Variants in ATRX observed in about 807,000 individuals in gnomAD.
ATRX encodes ATRX chromatin remodeler, also known as chromatin remodeler ATRX.
Under a neutral mutation model 172.6 loss-of-function variants are expected in ATRX, and 12 were observed. That is an observed-to-expected ratio of 0.07 (90% CI 0.04 to 0.11). The LOEUF is 0.11. Among genes scored for constraint, ATRX ranks in the 10% least tolerant of loss-of-function variants. The pLI, the probability that ATRX is intolerant of heterozygous loss-of-function variation, is 1.00. For synonymous variants in ATRX, 674 were observed against 594.7 expected (o/e 1.13, Z -1.94); for missense variants, 1,368 against 1,767.4 (o/e 0.77, Z 4.05).
chrX:77,739,330 A>T (rs1416441153), intron 1 of ATRX, among the ~76,000 whole-genome samples: 1 of 109,972 alleles, frequency 9.1e-6, no homozygotes, highest in East Asian at 2.8e-4. Context: ...ATTCATTCTT[A>T]TAGCCGGGTA....
At chrX:77,711,075 A>G (rs782080687) in intron 2 of ATRX, among the ~76,000 whole-genome samples, 3 of 112,121 alleles carry the variant, frequency 2.7e-5, no homozygotes, top group Non-Finnish European at 5.6e-5. Context: ...GCCAAAGTGC[A>G]TAAGAGCTCT....
Position 77,506,897 on chromosome X carries a change from C to CTTT in ATRX, c.*1451_*1453dup, listed in dbSNP as rs139948612. On this transcript the variant is annotated 3_prime_UTR_variant, in exon 35 of 35. Coordinates refer to ENST00000373344, the MANE Select transcript of ATRX (RefSeq NM_000489.6). ...TAAAGCAAAGCCCAAACCCAGTTTT[C>CTTT]TTTTTTTTTTTTTTTTTTTTTTTTT... 140 of 59,777 alleles carry CTTT rather than the reference C, an allele frequency of 2.3e-3. 1 individual carries two copies. The highest frequency in any genetic ancestry group is 7.2e-3 in the Middle Eastern group (1 of 139). The allele number at this position is 59,777 out of a possible 1,213,427, so 4.9% of individuals were successfully genotyped here. A position where few individuals can be genotyped will look rare whatever the true frequency, so the allele number is the denominator to read the frequency against.
intron 28 of ATRX, among the ~76,000 whole-genome samples, chrX:77,563,704 T>C (rs1462146191): frequency 1.4e-4 from 3 of 20,697 alleles, no homozygotes; most frequent in African/African-American, 3.1e-4. Flanking sequence ...TGTACATGCG[T>C]GTGTGTGTGT....
At chrX:77,767,112 C>T (rs1213791965) in intron 1 of ATRX, among the ~76,000 whole-genome samples, 5 of 110,915 alleles carry the variant, frequency 4.5e-5, no homozygotes, top group Admixed American at 9.5e-5. Flanking sequence ...CGCAGGCACT[C>T]GGCAGGCTGA....
intron 15 of ATRX, among the ~76,000 whole-genome samples, chrX:77,643,029 G>A (rs1353198962): frequency 2.7e-5 from 3 of 111,718 alleles, no homozygotes; most frequent in African/African-American, 9.8e-5. Context: ...ATTTTTACTT[G>A]TCCTTGCCCC....
rs185359850 is a variant in ATRX at position 77,599,600 on chromosome X, C to A, written c.5787-20G>T. The A allele has an allele frequency of 1.7e-4, 199 of 1,203,658 alleles. No homozygotes were observed. The African/African-American group carries it at 2.8e-3, about 17-fold the overall frequency. On this transcript the variant is annotated intron_variant, in intron 24 of 34. Transcript: ENST00000373344. ...TTCTTTCTAAAAACAAACAAACAAA[C>A]AAACAAAAAAACACATTCAGATTGT...
At position 77,652,138 on chromosome X, in the gene ATRX, C is replaced by T. The variant is rs1287480304; in HGVS notation, c.4533G>A (p.Glu1511=). ...CCTCTCTCAATTTTTCTCGCTCACG[C>T]TCCCTCTCAGCAATACGTTTTCGTC... ...EERRKRIAER[E]REREKLREVI... The change falls in exon 15 of 35, where the codon GAG becomes GAA. Residue 1511 remains glutamate (E), a synonymous_variant. Transcript: ENST00000373344. 8.3e-7 allele frequency: 1 copy of T among 1,211,414 alleles called. No homozygotes were observed. The highest frequency in any genetic ancestry group is 2.2e-5 in the Admixed American group (1 of 46,022).
chrX:77,627,545 A>G (rs1557103811), intron 19 of ATRX, among the ~76,000 whole-genome samples: 1 of 110,897 alleles, frequency 9.0e-6, no homozygotes, highest in African/African-American at 3.3e-5. Context: ...CCTAAGCAAC[A>G]TAACGAGACC....
At chrX:77,532,525 C>T (rs1034222487) in intron 30 of ATRX, among the ~76,000 whole-genome samples, 1 of 111,246 alleles carries the variant, frequency 9.0e-6, no homozygotes, top group Non-Finnish European at 1.9e-5. Context: ...CAAACCTGAC[C>T]AAAACGAGCA....
Position 77,683,519 on chromosome X carries a change from T to A in ATRX, c.1737A>T (p.Thr579=), listed in dbSNP as rs2148615862. The A allele has an allele frequency of 4.1e-6, 5 of 1,207,947 alleles. No individual in the cohort carries two copies. Among genetic ancestry groups the A allele is most frequent in the Non-Finnish European group, 5.6e-6 (5 of 892,081 alleles). The change falls in exon 9 of 35, where the codon ACA becomes ACT. Residue 579 remains threonine, a synonymous_variant. Transcript: ENST00000373344. The stretch of plus-strand genomic sequence containing the variant: ...CATATAATTCTTTTGTTACTTTAGC[T>A]GTAGTTTTTGATTTAATACCTCCTC... ...DNRGGIKSKT[T]AKVTKELYVK...
Position 77,682,377 on chromosome X carries a change from C to T in ATRX, c.2879G>A (p.Gly960Asp), listed in dbSNP as rs2071263511. ...KTKTCKKVQD[G>D]LSDIAEKFLK... ...GAATTTCTCTGCAATATCAGATAAG[C>T]CATCCTGTACTTTTTTACATGTTTT... Residue 960 changes from glycine (G) to aspartate (D), a missense_variant, in exon 9 of 35, where the codon GGC (glycine) becomes GAC (aspartate). Gly to Asp is a moderately conservative substitution (Grantham distance 94). Transcript: ENST00000373344. 1 of 1,211,226 alleles carries T rather than the reference C, an allele frequency of 8.3e-7. No individual in the cohort carries two copies. Among genetic ancestry groups the T allele is most frequent in the Non-Finnish European group, 1.1e-6 (1 of 895,308 alleles).
chrX:77,591,106 G>A (rs782457207), intron 26 of ATRX, among the ~76,000 whole-genome samples: 109 of 111,849 alleles, frequency 9.7e-4, no homozygotes, highest in Non-Finnish European at 1.9e-3. Flanking sequence ...AAACTATTTG[G>A]TCACATCAAG....
chrX:77,778,122 C>G (rs1162965085), intron 1 of ATRX, among the ~76,000 whole-genome samples: 2 of 98,991 alleles, frequency 2.0e-5, no homozygotes, highest in Non-Finnish European at 4.0e-5. Flanking sequence ...GAGTGAGACT[C>G]TGTCTCAAAA....
chrX:77,506,228 TTG>T lies in ATRX; in HGVS notation c.*2121_*2122del. 1 of 172,853 alleles carries T rather than the reference TTG, an allele frequency of 5.8e-6. No homozygotes were observed. Among genetic ancestry groups the T allele is most frequent in the Non-Finnish European group, 1.1e-5 (1 of 89,679 alleles). The allele number at this position is 172,853 out of a possible 1,213,427, so 14.2% of individuals were successfully genotyped here. A position where few individuals can be genotyped will look rare whatever the true frequency, so the allele number is the denominator to read the frequency against. On this transcript the variant is annotated 3_prime_UTR_variant, in exon 35 of 35. Coordinates refer to ENST00000373344, the MANE Select transcript of ATRX (RefSeq NM_000489.6). The stretch of plus-strand genomic sequence containing the variant: ...TTAGTATTTTACTGACGTGATTTTT[TTG>T]TCTTTAAATATTTGTTAAAGCTTGA...
chrX:77,549,240 C>A (rs1053967691), intron 30 of ATRX, among the ~76,000 whole-genome samples: 9 of 111,100 alleles, frequency 8.1e-5, no homozygotes, highest in Middle Eastern at 4.2e-3. Flanking sequence ...CAAAAATTAG[C>A]CAGGCGTGGT....
rs782177972 is a variant in ATRX at position 77,684,821 on chromosome X, A to C, written c.662+118T>G. On this transcript the variant is annotated intron_variant, in intron 8 of 34. Transcript: ENST00000373344. ...AATCCAGGGTTTTATGGAAAAGAAC[A>C]ACCTTTCATTAAAGACATCAATGAC... is the stretch of plus-strand genomic sequence containing the variant. The C allele has an allele frequency of 2.5e-6, 2 of 803,465 alleles. 1 individual carries two copies. The highest frequency in any genetic ancestry group is 4.5e-5 in the South Asian group (2 of 44,806). 66.2% of individuals were successfully genotyped at this position (803,465 alleles called of 1,213,427 possible). A position where few individuals can be genotyped will look rare whatever the true frequency, so the allele number is the denominator to read the frequency against.
At chrX:77,508,846 A>G (rs1569513066) in intron 34 of ATRX, among the ~76,000 whole-genome samples, 1 of 112,351 alleles carries the variant, frequency 8.9e-6, no homozygotes. Context: ...TGTCTTGACT[A>G]TTATATTGCA....
chrX:77,640,372 G>A (rs1171985249), intron 15 of ATRX, among the ~76,000 whole-genome samples: 2 of 109,393 alleles, frequency 1.8e-5, no homozygotes, highest in Non-Finnish European at 3.8e-5. Context: ...CAATGAAATA[G>A]GAGAAAAACT....
At chrX:77,690,671 G>A (rs2071832538) in intron 6 of ATRX, 1 of 110,987 alleles carries the variant, frequency 9.0e-6, no homozygotes, top group African/African-American at 3.3e-5. Flanking sequence ...CATATATTCT[G>A]TATTTGTTTT....
Sources: gnomAD v4.1 joint callset for allele counts (sites outside exome capture counted in the v4.1 genomes callset) on GRCh38, gnomAD v4.1.1 for gene constraint, MANE v1.5 for transcripts, NCBI Gene and HGNC (gene_info 2026-07-23, HGNC 2026-07-21) for gene names.